Variants in ATP8B4 observed in about 807,000 individuals in gnomAD.
ATP8B4 encodes ATPase phospholipid transporting 8B4 (putative).
A neutral mutation model predicts 145.6 loss-of-function variants in ATP8B4; 133 were observed. The ratio of observed to expected loss-of-function variants is 0.91; its 90% CI spans 0.79 to 1.05. ATP8B4 has a LOEUF of 1.05. ATP8B4 is among the 50% of genes least tolerant of loss of function. The pLI is 0.00. For missense variants in ATP8B4, 1,458 were observed against 1,425.2 expected, an observed-to-expected ratio of 1.02 and a Z score of -0.37; for synonymous variants, 507 against 492.9, an observed-to-expected ratio of 1.03 and a Z score of -0.38.
upstream of ATP8B4, among the ~76,000 whole-genome samples, chr15:50,123,220 C>T (rs1209011777): frequency 1.3e-5 from 2 of 152,138 alleles, no homozygotes; most frequent in African/African-American, 4.8e-5. Context: ...TAACTGACTC[C>T]ATCTTGCTTC....
chr15:49,951,446 G>A (rs555167759), intron 14 of ATP8B4, among the ~76,000 whole-genome samples: 90 of 152,186 alleles, frequency 5.9e-4, no homozygotes, highest in African/African-American at 2.1e-3. Flanking sequence ...TTACCATTAT[G>A]TAATGCCCTT....
intron 1 of ATP8B4, among the ~76,000 whole-genome samples, chr15:50,107,784 C>A (rs2056755247): frequency 6.6e-6 from 1 of 152,020 alleles, no homozygotes. Flanking sequence ...ATGCGGCCAA[C>A]ACACATAAAG....
intron 3 of ATP8B4, among the ~76,000 whole-genome samples, chr15:50,054,579 C>T (rs11858883): frequency 2.2e-4 from 34 of 151,908 alleles, no homozygotes; most frequent in Non-Finnish European, 4.9e-4. Context: ...GTCAGGAGAT[C>T]GAGATCAGCC....
intron 3 of ATP8B4, among the ~76,000 whole-genome samples, chr15:50,070,529 C>T (rs2053658218): frequency 6.6e-6 from 1 of 152,194 alleles, no homozygotes; most frequent in Admixed American, 6.5e-5. Flanking sequence ...CAAACCAAGG[C>T]AACACCACCT....
At chr15:49,972,538 A>C (rs1428928422) in intron 13 of ATP8B4, 44 bp downstream of exon 13, 1 of 1,561,204 alleles carries the variant, frequency 6.4e-7, no homozygotes, top group Non-Finnish European at 8.7e-7. Context: ...TTATTCAAGA[A>C]ATTGTTAACA....
chr15:49,958,021 A>G (rs1424268001), intron 14 of ATP8B4, among the ~76,000 whole-genome samples: 1 of 151,712 alleles, frequency 6.6e-6, no homozygotes, highest in Non-Finnish European at 1.5e-5. Context: ...CACAAAGAAA[A>G]TCTCAATAAA....
chr15:50,174,791 C>A (rs992113966), intron 1 of ATP8B4, among the ~76,000 whole-genome samples: 2 of 151,866 alleles, frequency 1.3e-5, no homozygotes, highest in African/African-American at 4.8e-5. Flanking sequence ...AGAAAAAAAA[C>A]AATTCTAAAA....
chr15:50,180,844 C>T (rs7176501), intron 1 of ATP8B4, among the ~76,000 whole-genome samples: 88,166 of 151,854 alleles, frequency 0.58, 26,682 homozygotes, highest in East Asian at 0.81. Context: ...ACTAGGGATA[C>T]GAAAAGGAGG....
intron 1 of ATP8B4, among the ~76,000 whole-genome samples, chr15:50,115,211 C>T (rs977696979): frequency 3.3e-5 from 5 of 152,048 alleles, no homozygotes; most frequent in Non-Finnish European, 7.4e-5. Context: ...GTGGCTCATG[C>T]CTCCAGTCCC....
chr15:50,102,371 A>T (rs961064132), intron 2 of ATP8B4, among the ~76,000 whole-genome samples: 1 of 152,144 alleles, frequency 6.6e-6, no homozygotes, highest in Non-Finnish European at 1.5e-5. Context: ...AAAAGAAGAG[A>T]GAAGATCCAA....
Position 50,134,609 on chromosome 15 carries a change from G to A in ATP8B4, c.-42-27601C>T, listed in dbSNP as rs545609341. ...CGGGAAATCAGGGGAAAAAACATAT[G>A]TTAGGGTTAGATTATGACCCTTACA... On this transcript the variant is annotated intron_variant, in intron 1 of 3. Coordinates refer to the ATP8B4 transcript ENST00000558829. 2.6e-5 allele frequency among the ~76,000 whole-genome samples: 4 copies of A among 152,326 alleles called. No individual in the cohort carries two copies. The South Asian group carries it at 8.3e-4, about 32-fold the overall frequency.
At chr15:50,140,515 G>C (rs1567404002) in intron 1 of ATP8B4, among the ~76,000 whole-genome samples, 1 of 152,156 alleles carries the variant, frequency 6.6e-6, no homozygotes, top group African/African-American at 2.4e-5. Flanking sequence ...TGAAAACTTA[G>C]ATAACAAAGC....
intron 14 of ATP8B4, among the ~76,000 whole-genome samples, chr15:49,939,794 A>G (rs1012421048): frequency 6.6e-6 from 1 of 152,144 alleles, no homozygotes; most frequent in Non-Finnish European, 1.5e-5. Flanking sequence ...CAAAGACACA[A>G]TGATAAAAGA....
At chr15:50,161,888 T>A (rs1183356502) in intron 1 of ATP8B4, among the ~76,000 whole-genome samples, 1 of 152,216 alleles carries the variant, frequency 6.6e-6, no homozygotes, top group Non-Finnish European at 1.5e-5. Context: ...AATCATTTTT[T>A]AATCTCATTA....
rs544295092 is a variant in ATP8B4, at chr15:49,869,558, A to ATT, written c.3028-3076_3028-3075dup. Among the ~76,000 whole-genome samples the ATT allele has an allele frequency of 2.2e-3, 338 of 152,332 alleles. 1 individual carries two copies. Among genetic ancestry groups the ATT allele is most frequent in the African/African-American group, 7.6e-3 (316 of 41,580 alleles). On this transcript the variant is annotated intron_variant, in intron 25 of 27. Coordinates refer to ENST00000284509, the MANE Select transcript of ATP8B4 (RefSeq NM_024837.4). ...AAAGAAAAATTAACAATCAGAAACC[A>ATT]TTATGTGGCAAAGATATAGCTTAAA...
At chr15:50,085,885 T>A (rs1005694671) in intron 2 of ATP8B4, among the ~76,000 whole-genome samples, 14 of 69,394 alleles carry the variant, frequency 2.0e-4, no homozygotes, top group African/African-American at 6.4e-4. Flanking sequence ...ATTTATATAT[T>A]TATATATGAT....
intron 20 of ATP8B4, among the ~76,000 whole-genome samples, chr15:49,903,596 TA>T (rs2038285344): frequency 6.6e-6 from 1 of 152,198 alleles, no homozygotes; most frequent in Non-Finnish European, 1.5e-5. Context: ...ATTGAAAGGT[TA>T]AATTGATCTG....
intron 3 of ATP8B4, among the ~76,000 whole-genome samples, chr15:50,073,504 G>A (rs902009296): frequency 3.3e-5 from 5 of 152,150 alleles, no homozygotes; most frequent in African/African-American, 1.2e-4. Context: ...GGGCATTTAG[G>A]TTGGTTCCAG....
At chr15:50,172,338 T>A (rs991150268) in intron 1 of ATP8B4, among the ~76,000 whole-genome samples, 4 of 152,258 alleles carry the variant, frequency 2.6e-5, no homozygotes, top group Non-Finnish European at 4.4e-5. Context: ...GAGACGGGGT[T>A]TCCCCCTCTT....
Sources: gnomAD v4.1 joint callset for allele counts (sites outside exome capture counted in the v4.1 genomes callset) on GRCh38, gnomAD v4.1.1 for gene constraint, MANE v1.5 for transcripts, NCBI Gene and HGNC (gene_info 2026-07-23, HGNC 2026-07-21) for gene names.